The following HSD17B12 variants were observed in gnomAD, a reference collection of about 807,000 sequenced individuals.
HSD17B12 encodes the protein very-long-chain 3-oxoacyl-CoA reductase.
Under a neutral mutation model 39.3 loss-of-function variants are expected in HSD17B12, and 32 were observed. The observed-to-expected ratio is 0.81, with a 90% CI of 0.61 to 1.09. The LOEUF (loss-of-function observed/expected upper bound fraction) is 1.09, where lower values mean the gene tolerates loss of function less well. Among genes scored for constraint, HSD17B12 ranks in the 50% least tolerant of loss-of-function variants. HSD17B12 has a pLI of 0.00. For synonymous variants in HSD17B12, 150 were observed against 146.7 expected (o/e 1.02, Z -0.16); for missense variants, 342 against 382.9 (o/e 0.89, Z 0.89).
intron 1 of HSD17B12, among the ~76,000 whole-genome samples, chr11:43,726,666 A>T (rs1223824594): frequency 6.6e-6 from 1 of 152,184 alleles, no homozygotes; most frequent in African/African-American, 2.4e-5. Context: ...GAATTTTCCA[A>T]TTTCAACATG....
At chr11:43,692,298 G>A (rs1419486526) in intron 1 of HSD17B12, among the ~76,000 whole-genome samples, 1 of 152,120 alleles carries the variant, frequency 6.6e-6, no homozygotes, top group Non-Finnish European at 1.5e-5. Context: ...GAAACCTCAA[G>A]TGCTATACAT....
chr11:43,585,599 C>A, the HSD17B12 span, among the ~76,000 whole-genome samples: 82 of 152,290 alleles, frequency 5.4e-4, 1 homozygote, highest in African/African-American at 1.9e-3. Context: ...TTAAATAATA[C>A]GTAAATTGAC....
chr11:43,686,772 C>T (rs1949804293), intron 1 of HSD17B12, among the ~76,000 whole-genome samples: 1 of 152,068 alleles, frequency 6.6e-6, no homozygotes, highest in African/African-American at 2.4e-5. Flanking sequence ...ACAGATAGTA[C>T]ATAAGTGCTT....
chr11:43,677,731 T>C (rs1949704242), upstream of HSD17B12, among the ~76,000 whole-genome samples: 1 of 152,032 alleles, frequency 6.6e-6, no homozygotes, highest in African/African-American at 2.4e-5. Context: ...CTGAGAATGA[T>C]GGTTTCCAGC....
At chr11:43,594,492 T>C in the HSD17B12 span, among the ~76,000 whole-genome samples, 1 of 151,542 alleles carries the variant, frequency 6.6e-6, no homozygotes, top group East Asian at 1.9e-4. Flanking sequence ...AATTTTTTGC[T>C]CAAAATTTTA....
Position 43,680,827 on chromosome 11 carries a change from C to T in HSD17B12, c.-1C>T. 1.9e-6 allele frequency: 3 copies of T among 1,613,784 alleles called. No homozygotes were observed. The highest frequency in any genetic ancestry group is 2.5e-6 in the Non-Finnish European group (3 of 1,179,698). On this transcript the variant is annotated 5_prime_UTR_variant, in exon 1 of 11. Coordinates refer to ENST00000278353, the MANE Select transcript of HSD17B12 (RefSeq NM_016142.3). ...AAGGTAGTGAGGCCTAGTGGAAAGC[C>T]ATGGAGAGCGCTCTCCCCGCCGCCG...
intron 4 of HSD17B12, among the ~76,000 whole-genome samples, chr11:43,814,645 G>A (rs1951104129): frequency 6.6e-6 from 1 of 152,096 alleles, no homozygotes; most frequent in African/African-American, 2.4e-5. Flanking sequence ...GTAAGGGGGT[G>A]TGGTATAAGG....
chr11:43,600,101 T>A, the HSD17B12 span, among the ~76,000 whole-genome samples: 74 of 152,216 alleles, frequency 4.9e-4, no homozygotes, highest in Non-Finnish European at 9.0e-4. Context: ...TTTGATTTTT[T>A]ACTGTTACAT....
At position 43,798,443 on chromosome 11, in the gene HSD17B12, A is replaced by G; in HGVS notation, c.391+16A>G. The G allele has an allele frequency of 1.4e-6, 2 of 1,471,194 alleles. No individual in the cohort carries two copies. The highest frequency in any genetic ancestry group is 1.4e-5 in the African/African-American group (1 of 71,952). The allele number at this position is 1,471,194 out of a possible 1,614,324, so 91.1% of individuals were successfully genotyped here. A position where few individuals can be genotyped will look rare whatever the true frequency, so the allele number is the denominator to read the frequency against. ...GGCATCTTAGGTTTGTATTTTTGCC[A>G]CATTTATAGGTTCTTCTTGTATTTA... is the stretch of plus-strand genomic sequence containing the variant. On this transcript the variant is annotated intron_variant, in intron 4 of 10. Coordinates refer to ENST00000278353, the MANE Select transcript of HSD17B12 (RefSeq NM_016142.3).
At chr11:43,717,153 A>G (rs920851147) in intron 1 of HSD17B12, among the ~76,000 whole-genome samples, 1 of 152,206 alleles carries the variant, frequency 6.6e-6, no homozygotes, top group African/African-American at 2.4e-5. Flanking sequence ...ATGTGCTAAT[A>G]AGAAATCATC....
At position 43,847,715 on chromosome 11, in the gene HSD17B12, CA is replaced by C. The variant is rs749195210; in HGVS notation, c.685-6982del. Among the ~76,000 whole-genome samples the C allele has an allele frequency of 3.7e-3, 315 of 85,694 alleles. 5 individuals are homozygous for C. The highest frequency in any genetic ancestry group is 0.014 in the African/African-American group (287 of 20,922). The allele number at this position is 85,694 out of a possible 152,430, so 56.2% of individuals were successfully genotyped here. ...GGTGGCAGAGCAAGACTCTGCCTCA[CA>C]AAAAAAAAAAAAAAAAAGAGAAATC... On this transcript the variant is annotated intron_variant, in intron 9 of 10. Transcript: ENST00000278353.
At position 43,681,003 on chromosome 11, in the gene HSD17B12, C is replaced by T; in HGVS notation, c.160+16C>T. 2 of 1,573,380 alleles carry T rather than the reference C, an allele frequency of 1.3e-6. No homozygotes were observed. The highest frequency in any genetic ancestry group is 2.3e-5 in the South Asian group (2 of 87,240). On this transcript the variant is annotated intron_variant, in intron 1 of 10. Transcript: ENST00000278353. ...GAATGGGCAGGTGAGTCGGATGCAG[C>T]GCCGCGTCCTCGCTCCCGCGGCGGC...
At chr11:43,613,859 G>A in the HSD17B12 span, among the ~76,000 whole-genome samples, 4 of 152,092 alleles carry the variant, frequency 2.6e-5, no homozygotes, top group African/African-American at 9.7e-5. Flanking sequence ...TAGAGCCGGA[G>A]TTTCACCATG....
intron 1 of HSD17B12, among the ~76,000 whole-genome samples, chr11:43,731,933 G>A (rs751566140): frequency 5.9e-5 from 9 of 152,202 alleles, no homozygotes; most frequent in Non-Finnish European, 1.2e-4. Flanking sequence ...ATGAAGCAGA[G>A]CACACAAAAA....
At chr11:43,774,602 C>T (rs1950681356) in intron 3 of HSD17B12, among the ~76,000 whole-genome samples, 1 of 152,154 alleles carries the variant, frequency 6.6e-6, no homozygotes. Context: ...ATTTATTTAT[C>T]TTTATCAAGT....
chr11:43,664,873 T>C, the HSD17B12 span, among the ~76,000 whole-genome samples: 3 of 152,222 alleles, frequency 2.0e-5, no homozygotes, highest in African/African-American at 7.2e-5. Flanking sequence ...AGGAATATTC[T>C]TGGTTTTTGG....
At chr11:43,614,373 T>C in the HSD17B12 span, among the ~76,000 whole-genome samples, 1 of 152,248 alleles carries the variant, frequency 6.6e-6, no homozygotes, top group African/African-American at 2.4e-5. Context: ...AAGTCATCAA[T>C]AATTACATTT....
At chr11:43,590,140 G>T in the HSD17B12 span, among the ~76,000 whole-genome samples, 1 of 152,166 alleles carries the variant, frequency 6.6e-6, no homozygotes, top group African/African-American at 2.4e-5. Context: ...ATGACTAGGA[G>T]TCATGAGATA....
chr11:43,807,844 T>G (rs757731509), intron 4 of HSD17B12, among the ~76,000 whole-genome samples: 4 of 152,178 alleles, frequency 2.6e-5, no homozygotes, highest in Non-Finnish European at 5.9e-5. Context: ...GGTTTTGTGT[T>G]TTTTAAGTCA....
Sources: allele counts gnomAD v4.1 joint callset (sites outside exome capture counted in the v4.1 genomes callset), GRCh38; gene constraint gnomAD v4.1.1; transcripts MANE v1.5; gene names NCBI Gene and HGNC (gene_info 2026-07-23, HGNC 2026-07-21).